Variants in UBE3B observed in about 807,000 individuals in gnomAD.
The protein encoded by UBE3B is ubiquitin-protein ligase E3B.
A neutral mutation model predicts 132.3 loss-of-function variants in UBE3B; 80 were observed. The ratio of observed to expected loss-of-function variants is 0.60; its 90% CI spans 0.50 to 0.73. UBE3B has a LOEUF of 0.73. Ranked by LOEUF, UBE3B falls within the 30% of genes least tolerant of loss-of-function variation. UBE3B has a pLI of 0.00. For missense variants in UBE3B, 1,196 were observed against 1,362.5 expected, an observed-to-expected ratio of 0.88 and a Z score of 1.92; for synonymous variants, 487 against 520.4, an observed-to-expected ratio of 0.94 and a Z score of 0.87.
the UBE3B span, among the ~76,000 whole-genome samples, chr12:109,546,630 C>T: frequency 1.0e-3 from 154 of 152,330 alleles, no homozygotes; most frequent in African/African-American, 3.7e-3. Context: ...GCACTGATGT[C>T]ATTCATTCTT....
At chr12:109,527,067 C>T (rs970582845) in intron 24 of UBE3B, among the ~76,000 whole-genome samples, 6 of 151,756 alleles carry the variant, frequency 4.0e-5, no homozygotes, top group Non-Finnish European at 8.8e-5. Flanking sequence ...GACACCTTGG[C>T]GGGGAGGGGC....
At chr12:109,479,772 A>C (rs1178143087) in intron 1 of UBE3B, among the ~76,000 whole-genome samples, 1 of 152,206 alleles carries the variant, frequency 6.6e-6, no homozygotes, top group Non-Finnish European at 1.5e-5. Flanking sequence ...AAGGAAGGGG[A>C]TAAGAGTAAT....
intron 8 of UBE3B, chr12:109,490,742 A>T: frequency 7.1e-7 from 1 of 1,406,808 alleles, no homozygotes; most frequent in Non-Finnish European, 9.2e-7. Flanking sequence ...AAAGAGTGGT[A>T]GAGTTAACCT....
At chr12:109,481,100 G>A (rs953886983) in intron 1 of UBE3B, among the ~76,000 whole-genome samples, 35 of 145,712 alleles carry the variant, frequency 2.4e-4, no homozygotes, top group South Asian at 4.3e-4. Flanking sequence ...GCAAGACTCC[G>A]TCTCAAAAAA....
intron 19 of UBE3B, among the ~76,000 whole-genome samples, chr12:109,517,534 A>G (rs993136919): frequency 3.6e-4 from 55 of 152,320 alleles, no homozygotes; most frequent in African/African-American, 1.2e-3. Flanking sequence ...CTGCTGGAAC[A>G]TGGTTGTCAT....
chr12:109,527,104 C>T (rs928670050), intron 24 of UBE3B, among the ~76,000 whole-genome samples: 22 of 152,066 alleles, frequency 1.4e-4, no homozygotes, highest in Non-Finnish European at 1.0e-4. Context: ...TAGCACGTGG[C>T]AGTTGTATAA....
chr12:109,480,998 AAC>A (rs1403586065), intron 1 of UBE3B, among the ~76,000 whole-genome samples: 12 of 152,028 alleles, frequency 7.9e-5, no homozygotes, highest in African/African-American at 2.4e-4. Context: ...AAAAATGTCA[AAC>A]ACGCTGAGGC....
intron 18 of UBE3B, among the ~76,000 whole-genome samples, chr12:109,513,164 G>A (rs1880583649): frequency 6.6e-6 from 1 of 152,096 alleles, no homozygotes; most frequent in Admixed American, 6.6e-5. Flanking sequence ...ATCTGGTTTG[G>A]TGGTGTCTGG....
intron 27 of UBE3B, 125 bp downstream of exon 27, chr12:109,533,683 G>C: frequency 1.0e-6 from 1 of 998,384 alleles, no homozygotes; most frequent in Non-Finnish European, 1.6e-6. Context: ...ACCCCTCAGA[G>C]CCAAGTGAGG....
At chr12:109,480,824 G>A (rs1211969715) in intron 1 of UBE3B, among the ~76,000 whole-genome samples, 1 of 152,020 alleles carries the variant, frequency 6.6e-6, no homozygotes, top group Non-Finnish European at 1.5e-5. Flanking sequence ...AAAATTTCCC[G>A]CAATTTCAGT....
At chr12:109,482,664 A>C (rs1487270743) in intron 2 of UBE3B, among the ~76,000 whole-genome samples, 1 of 152,222 alleles carries the variant, frequency 6.6e-6, no homozygotes, top group Admixed American at 6.5e-5. Flanking sequence ...TAAAGAAATC[A>C]TCTCAATATG....
At chr12:109,508,220 A>G (rs1254327576) in intron 15 of UBE3B, among the ~76,000 whole-genome samples, 1 of 152,230 alleles carries the variant, frequency 6.6e-6, no homozygotes, top group Non-Finnish European at 1.5e-5. Context: ...ATTAAAAGAC[A>G]TAATTATTGC....
chr12:109,483,463 T>G, intron 2 of UBE3B, 68 bp from the exon 3 acceptor site: 4 of 1,475,224 alleles, frequency 2.7e-6, no homozygotes, highest in Non-Finnish European at 3.6e-6. Context: ...CCTCTGCTCT[T>G]GAGCCCCTTT....
At chr12:109,518,764 A>G (rs971173249) in intron 19 of UBE3B, among the ~76,000 whole-genome samples, 1 of 152,242 alleles carries the variant, frequency 6.6e-6, no homozygotes, top group Non-Finnish European at 1.5e-5. Context: ...TTTAAAGCAT[A>G]TCCCTCAGGG....
Position 109,486,539 on chromosome 12 carries a change from T to C in UBE3B, c.411T>C (p.Ile137=), listed in dbSNP as rs1041175607. ...TTTGGATTCAACAGATCAAGAACAT[T>C]TTGTGGTACTGCTGTGATTTTCTCA... ...TLLWIQQIKN[I]LWYCCDFLKQ... The change falls in exon 6 of 28, where the codon ATT becomes ATC. Residue 137 remains isoleucine, a synonymous_variant. Coordinates refer to ENST00000342494, the MANE Select transcript of UBE3B (RefSeq NM_130466.4). The C allele has an allele frequency of 6.2e-7, 1 of 1,606,166 alleles. No individual in the cohort carries two copies. Among genetic ancestry groups the C allele is most frequent in the Admixed American group, 1.7e-5 (1 of 59,434 alleles).
chr12:109,547,446 C>T, the UBE3B span, among the ~76,000 whole-genome samples: 20 of 152,344 alleles, frequency 1.3e-4, no homozygotes, highest in East Asian at 2.3e-3. The surrounding 1 kb of genome is among the most constrained non-coding windows in gnomAD (Gnocchi z 4.1). Context: ...TGCATGTGCG[C>T]GTACGCGCGC....
At chr12:109,524,628 C>T (rs923446567) in intron 23 of UBE3B, 125 bp downstream of exon 23, 17 of 1,019,780 alleles carry the variant, frequency 1.7e-5, no homozygotes, top group South Asian at 9.3e-5. Flanking sequence ...TTGTCCTCCC[C>T]ACCCCTCGCC....
At chr12:109,545,000 C>G in the UBE3B span, among the ~76,000 whole-genome samples, 2 of 152,204 alleles carry the variant, frequency 1.3e-5, no homozygotes, top group South Asian at 4.1e-4. Flanking sequence ...CCCAGGGACT[C>G]AAAGCCAGGA....
chr12:109,530,648 T>G lies in UBE3B; in HGVS notation c.2912T>G (p.Met971Arg). 6.2e-7 allele frequency: 1 copy of G among 1,614,212 alleles called. No homozygotes were observed. Among genetic ancestry groups the G allele is most frequent in the Non-Finnish European group, 8.5e-7 (1 of 1,180,004 alleles). Residue 971 changes from methionine to arginine, a missense_variant, in exon 26 of 28, where the codon ATG becomes AGG. Coordinates refer to ENST00000342494, the MANE Select transcript of UBE3B (RefSeq NM_130466.4). ...GACTTCACACCGGATGAGAGAGCTA[T>G]GTTTCTGAAGGTATTTTATTTATTA... ...ASDFTPDERA[M>R]FLKFVTSCSR...
Sources: gnomAD v4.1 joint callset for allele counts (sites outside exome capture counted in the v4.1 genomes callset) on GRCh38, gnomAD v4.1.1 for gene constraint, Gnocchi (gnomAD v3.1) non-coding constraint, MANE v1.5 for transcripts, NCBI Gene and HGNC (gene_info 2026-07-23, HGNC 2026-07-21) for gene names.